The following EXOC6B variants were observed in gnomAD, a reference collection of about 807,000 sequenced individuals.
EXOC6B encodes SEC15 homolog B.
A neutral mutation model predicts 113.5 loss-of-function variants in EXOC6B; 54 were observed. The ratio of observed to expected loss-of-function variants is 0.48; its 90% confidence interval spans 0.38 to 0.60. EXOC6B has a LOEUF of 0.60. Ranked by LOEUF, EXOC6B falls within the 20% of genes least tolerant of loss-of-function variation. The probability of loss-of-function intolerance (pLI) is 0.00; values close to 1 mark genes in which losing one functional copy is unlikely to be tolerated. For synonymous variants in EXOC6B, 357 were observed against 339.0 expected (o/e 1.05, Z -0.58); for missense variants, 797 against 977.5 (o/e 0.82, Z 2.46).
At chr2:72,629,155 T>C (rs1000810143) in intron 6 of EXOC6B, among the ~76,000 whole-genome samples, 2 of 152,222 alleles carry the variant, frequency 1.3e-5, no homozygotes, top group African/African-American at 4.8e-5. Context: ...TCCCCAAAGA[T>C]ATTCTGCTTC....
At chr2:72,277,637 G>A (rs910886245) in intron 20 of EXOC6B, among the ~76,000 whole-genome samples, 3 of 151,750 alleles carry the variant, frequency 2.0e-5, no homozygotes, top group Non-Finnish European at 2.9e-5. Context: ...GATTACAAGC[G>A]CCCACCACCA....
At chr2:72,592,839 T>C (rs1706059865) in intron 6 of EXOC6B, among the ~76,000 whole-genome samples, 1 of 152,088 alleles carries the variant, frequency 6.6e-6, no homozygotes. Flanking sequence ...GGAGTGTCCT[T>C]TTTATTCATA....
chr2:72,738,797 G>A lies in EXOC6B; in HGVS notation c.279+2507C>T, dbSNP rs368425268. Reference sequence around the variant, plus strand: ...TCAAGACCAGCCTGGCCAATATGGCGAAACCCCATCTCTACTAAAAATACA... The same window carrying A: ...TCAAGACCAGCCTGGCCAATATGGCAAAACCCCATCTCTACTAAAAATACA... On this transcript the variant is annotated intron_variant, in intron 2 of 21. Coordinates refer to ENST00000272427, the MANE Select transcript of EXOC6B (RefSeq NM_015189.3). 3.9e-5 allele frequency among the ~76,000 whole-genome samples: 6 copies of A among 152,230 alleles called. No individual in the cohort carries two copies. The East Asian group carries it at 5.8e-4, about 15-fold the overall frequency.
At chr2:72,631,426 G>GTGTGTATATA (rs1290760055) in intron 6 of EXOC6B, among the ~76,000 whole-genome samples, 2 of 28,162 alleles carry the variant, frequency 7.1e-5, no homozygotes, top group African/African-American at 2.3e-4. Flanking sequence ...GTGTGTGTGT[G>GTGTGTATATA]TATATATATA....
chr2:72,619,317 T>G (rs1225091243), intron 6 of EXOC6B, among the ~76,000 whole-genome samples: 1 of 152,166 alleles, frequency 6.6e-6, no homozygotes, highest in Non-Finnish European at 1.5e-5. Context: ...TGGGTTTTCT[T>G]ATATTGTTTT....
chr2:72,684,152 C>A (rs1477359112), intron 6 of EXOC6B, among the ~76,000 whole-genome samples: 1 of 152,150 alleles, frequency 6.6e-6, no homozygotes, highest in Non-Finnish European at 1.5e-5. Context: ...GTCTTGAACG[C>A]CTGACCTCAA....
At chr2:72,652,340 T>C (rs1674237400) in intron 6 of EXOC6B, among the ~76,000 whole-genome samples, 1 of 152,122 alleles carries the variant, frequency 6.6e-6, no homozygotes, top group Non-Finnish European at 1.5e-5. Flanking sequence ...GAAATCTAAT[T>C]GAGTTTGATT....
intron 8 of EXOC6B, among the ~76,000 whole-genome samples, chr2:72,537,973 CTTT>C (rs200117521): frequency 7.1e-5 from 10 of 139,952 alleles, no homozygotes; most frequent in Admixed American, 7.2e-5. Flanking sequence ...ATGACTAAGA[CTTT>C]TTTTTTTTTT....
At chr2:72,286,482 C>G (rs1224027301) in intron 20 of EXOC6B, among the ~76,000 whole-genome samples, 1 of 151,944 alleles carries the variant, frequency 6.6e-6, no homozygotes, top group African/African-American at 2.4e-5. Context: ...CAGTGGCTGC[C>G]AGGGGTTGGG....
intron 18 of EXOC6B, among the ~76,000 whole-genome samples, chr2:72,411,081 C>T (rs1410352392): frequency 1.3e-5 from 2 of 152,006 alleles, no homozygotes; most frequent in Admixed American, 6.6e-5. Flanking sequence ...TGGTGGTGCA[C>T]GCCTGTGGTC....
At chr2:72,755,249 G>A (rs1213601454) in intron 1 of EXOC6B, among the ~76,000 whole-genome samples, 1 of 152,188 alleles carries the variant, frequency 6.6e-6, no homozygotes, top group Non-Finnish European at 1.5e-5. Flanking sequence ...AGAAATGAAT[G>A]GGCACCACTA....
intron 20 of EXOC6B, among the ~76,000 whole-genome samples, chr2:72,313,458 G>C (rs1190958392): frequency 6.6e-6 from 1 of 152,010 alleles, no homozygotes; most frequent in African/African-American, 2.4e-5. Flanking sequence ...TTTTGTGCAG[G>C]GGCCAGTATG....
intron 19 of EXOC6B, among the ~76,000 whole-genome samples, chr2:72,361,150 G>A (rs1690289257): frequency 6.6e-6 from 1 of 152,118 alleles, no homozygotes; most frequent in Admixed American, 6.6e-5. Context: ...AGAAGGAAAT[G>A]TAAGAGTTTT....
rs180939435 is a variant in EXOC6B at position 72,401,512 on chromosome 2, T to C, written c.1981-21642A>G. On this transcript the variant is annotated intron_variant, in intron 18 of 21. Coordinates refer to ENST00000272427, the MANE Select transcript of EXOC6B (RefSeq NM_015189.3). The stretch of plus-strand genomic sequence containing the variant: ...TTATATACATATATATATATATATA[T>C]ATACATATATACATATATATATATA... Among the ~76,000 whole-genome samples the C allele has an allele frequency of 8.6e-3, 357 of 41,288 alleles. 32 individuals are homozygous for C. The African/African-American group carries it at 0.12, about 14-fold the overall frequency. 27.1% of individuals were successfully genotyped at this position (41,288 alleles called of 152,430 possible). A position where few individuals can be genotyped will look rare whatever the true frequency, so the allele number is the denominator to read the frequency against.
chr2:72,235,128 C>T (rs1423717175), intron 20 of EXOC6B, among the ~76,000 whole-genome samples: 1 of 152,204 alleles, frequency 6.6e-6, no homozygotes, highest in East Asian at 1.9e-4. Flanking sequence ...TTCACAATAA[C>T]AAAGACATGG....
Position 72,718,088 on chromosome 2 carries a change from A to G in EXOC6B, c.669+15T>C, listed in dbSNP as rs774905887. The G allele has an allele frequency of 9.5e-6, 15 of 1,586,368 alleles. No individual in the cohort carries two copies. Among genetic ancestry groups the G allele is most frequent in the Non-Finnish European group, 8.6e-7 (1 of 1,165,488 alleles). ...ATAAAGCCACTGGCCAACCTATCAT[A>G]AACCCAAGACCTACTTGCTTCATGG... On this transcript the variant is annotated intron_variant, in intron 6 of 21. Coordinates refer to ENST00000272427, the MANE Select transcript of EXOC6B (RefSeq NM_015189.3).
chr2:72,481,894 T>C (rs1489544747), intron 16 of EXOC6B, among the ~76,000 whole-genome samples: 2 of 152,200 alleles, frequency 1.3e-5, no homozygotes, highest in Admixed American at 6.5e-5. Context: ...ATTGTCTGTA[T>C]AGAATTAAGG....
chr2:72,555,063 T>C (rs577294758), intron 8 of EXOC6B, among the ~76,000 whole-genome samples: 2 of 152,350 alleles, frequency 1.3e-5, no homozygotes, highest in Non-Finnish European at 2.9e-5. Context: ...GCTTCATCCA[T>C]GTCCCTGCAA....
At position 72,209,570 on chromosome 2, in the gene EXOC6B, T is replaced by C. The variant is rs532105513; in HGVS notation, c.2197-25383A>G. Among the ~76,000 whole-genome samples, 6 of 152,294 alleles carry C rather than the reference T, an allele frequency of 3.9e-5. No homozygotes were observed. In the East Asian group the frequency reaches 9.7e-4, roughly 25 times the overall value. On this transcript the variant is annotated intron_variant, in intron 20 of 21. Transcript: ENST00000272427. Reference sequence around the variant, plus strand: ...CAAAGCTCAGACTTCCCTAAAATTCTTTATCTTAGCACCCTCCTCTGCTAA... The same window carrying C: ...CAAAGCTCAGACTTCCCTAAAATTCCTTATCTTAGCACCCTCCTCTGCTAA...
Sources: allele counts gnomAD v4.1 joint callset (sites outside exome capture counted in the v4.1 genomes callset), GRCh38; gene constraint gnomAD v4.1.1; transcripts MANE v1.5; gene names NCBI Gene and HGNC (gene_info 2026-07-23, HGNC 2026-07-21).